LAMA2: variants seen among roughly 807,000 people sequenced by gnomAD.
LAMA2 encodes the protein laminin subunit alpha 2, also known as laminin subunit alpha-2.
LAMA2 carries 269 observed loss-of-function variants against 364.8 expected under a neutral mutation model. The ratio of observed to expected loss-of-function variants is 0.74; its 90% CI spans 0.67 to 0.82. LAMA2 has a LOEUF of 0.82. Among genes scored for constraint, LAMA2 ranks in the 40% least tolerant of loss-of-function variants. The pLI is 0.00. For missense variants in LAMA2, 3,807 were observed against 3,873.2 expected (o/e 0.98, Z 0.45); for synonymous variants, 1,379 against 1,370.6 (o/e 1.01, Z -0.14).
chr6:128,928,342 G>A (rs1438622722), intron 1 of LAMA2, among the ~76,000 whole-genome samples: 9 of 152,044 alleles, frequency 5.9e-5, no homozygotes, highest in Non-Finnish European at 1.0e-4. Flanking sequence ...AGGGTATGCT[G>A]GTTTAGTATC....
At chr6:129,261,298 T>C (rs1477856206) in intron 15 of LAMA2, among the ~76,000 whole-genome samples, 1 of 152,020 alleles carries the variant, frequency 6.6e-6, no homozygotes, top group Non-Finnish European at 1.5e-5. Flanking sequence ...GTCAAGAATA[T>C]AATATATGGA....
intron 1 of LAMA2, among the ~76,000 whole-genome samples, chr6:128,977,269 T>C (rs1038383921): frequency 6.7e-6 from 1 of 149,762 alleles, no homozygotes; most frequent in African/African-American, 2.5e-5. Flanking sequence ...ATTCTTTCTT[T>C]TTTTTTTTTT....
intron 12 of LAMA2, among the ~76,000 whole-genome samples, chr6:129,199,150 C>T (rs1002926822): frequency 2.6e-5 from 4 of 151,984 alleles, no homozygotes; most frequent in African/African-American, 9.7e-5. Context: ...AATAGTCAGG[C>T]TAAATTGGCC....
intron 8 of LAMA2, among the ~76,000 whole-genome samples, chr6:129,164,179 C>G (rs905287917): frequency 1.3e-5 from 2 of 152,068 alleles, no homozygotes; most frequent in African/African-American, 4.8e-5. Context: ...TTTTTTCTAT[C>G]TGATACCTGT....
At chr6:129,054,412 T>C (rs2114784251) in intron 2 of LAMA2, among the ~76,000 whole-genome samples, 1 of 152,256 alleles carries the variant, frequency 6.6e-6, no homozygotes, top group South Asian at 2.1e-4. Flanking sequence ...TGACAAAGCC[T>C]GATGGAGGGA....
chr6:129,431,552 T>C lies in LAMA2; in HGVS notation c.5968+3698T>C, dbSNP rs550779649. Among the ~76,000 whole-genome samples the C allele has an allele frequency of 1.5e-3, 232 of 152,266 alleles. 1 individual carries two copies. The highest frequency in any genetic ancestry group is 5.4e-3 in the African/African-American group (223 of 41,556). ...TGTGGTATATAATTACAGTTAACCC[T>C]TGACCAATGCAGGGGTTGGAGAGCA... On this transcript the variant is annotated intron_variant, in intron 41 of 64. Coordinates refer to ENST00000421865, the MANE Select transcript of LAMA2 (RefSeq NM_000426.4).
chr6:128,919,856 C>T (rs1778579755), intron 1 of LAMA2, among the ~76,000 whole-genome samples: 1 of 152,150 alleles, frequency 6.6e-6, no homozygotes, highest in South Asian at 2.1e-4. Context: ...ACAACTGCTG[C>T]CCCAGCCTAA....
intron 3 of LAMA2, among the ~76,000 whole-genome samples, chr6:129,074,579 A>T (rs527272701): frequency 1.3e-5 from 2 of 152,232 alleles, no homozygotes; most frequent in South Asian, 2.1e-4. Flanking sequence ...TTAGTATTTT[A>T]TCCAGCTTTT....
chr6:128,946,272 C>G (rs1372196777), intron 1 of LAMA2, among the ~76,000 whole-genome samples: 1 of 152,170 alleles, frequency 6.6e-6, no homozygotes, highest in Non-Finnish European at 1.5e-5. Flanking sequence ...TTTAATACAC[C>G]TAACCTACTG....
intron 31 of LAMA2, among the ~76,000 whole-genome samples, chr6:129,349,736 A>T (rs1425634746): frequency 1.3e-5 from 2 of 151,908 alleles, no homozygotes; most frequent in Admixed American, 1.3e-4. Flanking sequence ...AACTGGCTAC[A>T]CTTTTCTTAT....
chr6:129,291,503 T>C, intron 19 of LAMA2, 111 bp from the exon 20 acceptor site: 1 of 765,782 alleles, frequency 1.3e-6, no homozygotes, highest in Non-Finnish European at 2.3e-6. Flanking sequence ...GAAAACATTC[T>C]GTTACTGAAC....
At chr6:129,394,009 A>G (rs1021254011) in intron 37 of LAMA2, among the ~76,000 whole-genome samples, 4 of 152,208 alleles carry the variant, frequency 2.6e-5, no homozygotes, top group African/African-American at 7.2e-5. Flanking sequence ...AAGAGTTCTG[A>G]TGGAACTAGA....
At chr6:129,255,204 G>A (rs113850608) in intron 14 of LAMA2, among the ~76,000 whole-genome samples, 13,347 of 151,484 alleles carry the variant, frequency 0.088, 1,909 homozygotes, top group African/African-American at 0.31. Flanking sequence ...TCAGTTGTTC[G>A]AGACCAGCCT....
intron 53 of LAMA2, among the ~76,000 whole-genome samples, chr6:129,477,758 G>A (rs373115426): frequency 1.1e-4 from 17 of 151,960 alleles, no homozygotes; most frequent in South Asian, 6.2e-4. Flanking sequence ...GGGTCAATCT[G>A]TAAACTAAAT....
chr6:129,327,786 T>C (rs1039316755), intron 28 of LAMA2, among the ~76,000 whole-genome samples: 1 of 152,330 alleles, frequency 6.6e-6, no homozygotes, highest in Non-Finnish European at 1.5e-5. Context: ...TGTACAGCTT[T>C]TATTATTTTG....
At chr6:129,221,829 G>A (rs901875531) in intron 12 of LAMA2, among the ~76,000 whole-genome samples, 6 of 152,280 alleles carry the variant, frequency 3.9e-5, no homozygotes, top group African/African-American at 1.2e-4. Flanking sequence ...AGAGCCGACA[G>A]CAGATGCCTA....
chr6:129,337,008 C>A (rs991437712), intron 29 of LAMA2, among the ~76,000 whole-genome samples: 1 of 152,164 alleles, frequency 6.6e-6, no homozygotes, highest in Non-Finnish European at 1.5e-5. Context: ...AAGATTTGAA[C>A]TCAGGTAAGC....
At chr6:129,318,490 G>A (rs1373580588) in intron 27 of LAMA2, among the ~76,000 whole-genome samples, 3 of 152,076 alleles carry the variant, frequency 2.0e-5, no homozygotes, top group Admixed American at 1.3e-4. Flanking sequence ...AAACACTTGC[G>A]GGTCTGTTAT....
intron 12 of LAMA2, among the ~76,000 whole-genome samples, chr6:129,227,844 C>G (rs568975927): frequency 6.6e-6 from 1 of 152,186 alleles, no homozygotes; most frequent in Non-Finnish European, 1.5e-5. Context: ...AACCACTACT[C>G]TCTTCAAAGC....
Sources: allele counts gnomAD v4.1 joint callset (sites outside exome capture counted in the v4.1 genomes callset), GRCh38; gene constraint gnomAD v4.1.1; transcripts MANE v1.5; gene names NCBI Gene and HGNC (gene_info 2026-07-23, HGNC 2026-07-21).